The following CCDC66 variants were observed in gnomAD, a reference collection of about 807,000 sequenced individuals.
CCDC66 encodes the protein coiled-coil domain-containing protein 66.
CCDC66 carries 133 observed loss-of-function variants against 128.3 expected under a neutral mutation model. The observed-to-expected ratio is 1.04, with a 90% confidence interval of 0.90 to 1.20. The LOEUF (loss-of-function observed/expected upper bound fraction) is 1.20. CCDC66 is among the 50% of genes most tolerant of loss of function. CCDC66 has a pLI of 0.00. For missense variants in CCDC66, 1,126 were observed against 1,075.5 expected, an observed-to-expected ratio of 1.05 and a Z score of -0.66; for synonymous variants, 387 against 357.0, an observed-to-expected ratio of 1.08 and a Z score of -0.95.
intron 7 of CCDC66, among the ~76,000 whole-genome samples, chr3:56,571,535 C>G (rs1173199055): frequency 6.6e-6 from 1 of 152,028 alleles, no homozygotes; most frequent in African/African-American, 2.4e-5. Flanking sequence ...GTACTCACCA[C>G]CATGGCCAGC....
intron 10 of CCDC66, among the ~76,000 whole-genome samples, chr3:56,594,578 G>T (rs2071527684): frequency 6.6e-6 from 1 of 151,992 alleles, no homozygotes; most frequent in Non-Finnish European, 1.5e-5. Flanking sequence ...AGCTACTCGG[G>T]AGGCTGAGGT....
At chr3:56,609,571 A>G (rs1156773690) in intron 10 of CCDC66, among the ~76,000 whole-genome samples, 2 of 152,138 alleles carry the variant, frequency 1.3e-5, no homozygotes, top group Non-Finnish European at 2.9e-5. Flanking sequence ...ATTTACATTC[A>G]ATGTTAATAT....
In CCDC66 at chr3:56,619,545, A is replaced by G; in HGVS notation, c.2635+18A>G. On this transcript the variant is annotated intron_variant, in intron 16 of 17. Transcript: ENST00000394672. The stretch of plus-strand genomic sequence containing the variant: ...TTCACAAGGTAAGTAAATATTAAGC[A>G]TTCTAACTGTAAAAATTGAAGACCC... 6.4e-7 allele frequency: 1 copy of G among 1,569,630 alleles called. No homozygotes were observed. Among genetic ancestry groups the G allele is most frequent in the Non-Finnish European group, 8.6e-7 (1 of 1,162,216 alleles).
chr3:56,572,941 A>G (rs906718599), intron 7 of CCDC66: 2 of 152,272 alleles, frequency 1.3e-5, no homozygotes, highest in Admixed American at 1.3e-4. Flanking sequence ...TCTGGGTGAT[A>G]ATTTTAAGTG....
chr3:56,606,116 C>G (rs1232286817), intron 10 of CCDC66, among the ~76,000 whole-genome samples: 1 of 152,068 alleles, frequency 6.6e-6, no homozygotes. Context: ...GTGGGTGCCC[C>G]TCACCCCACC....
In CCDC66 at chr3:56,593,710, G is replaced by C. The variant is rs746494584; in HGVS notation, c.1288G>C (p.Asp430His). ...GGAGCATATAGCAAAACCTATTAAGGATGTGGTTATGGCAAACAGTAAGAA... is the reference window on the plus strand; with the variant it reads ...GGAGCATATAGCAAAACCTATTAAGCATGTGGTTATGGCAAACAGTAAGAA... ...EEEHIAKPIK[D>H]VVMANSKKTN... The change falls in exon 9 of 18, where the codon GAT (aspartate) becomes CAT (histidine). Residue 430 changes from aspartate to histidine, a missense_variant. Asp to His is a moderately conservative substitution (Grantham distance 81). Transcript: ENST00000394672. 2 of 1,613,780 alleles carry C rather than the reference G, an allele frequency of 1.2e-6. No homozygotes were observed. The highest frequency in any genetic ancestry group is 1.7e-6 in the Non-Finnish European group (2 of 1,179,682).
chr3:56,581,093 C>T (rs1482068933), intron 7 of CCDC66, among the ~76,000 whole-genome samples: 4 of 150,788 alleles, frequency 2.7e-5, no homozygotes, highest in African/African-American at 9.7e-5. Context: ...TTCTTGGAGG[C>T]TTTGTTTGTT....
rs750721982 is a variant in CCDC66 at position 56,619,572 on chromosome 3, T to G, written c.2635+45T>G. 5 of 1,484,314 alleles carry G rather than the reference T, an allele frequency of 3.4e-6. No homozygotes were observed. The East Asian group carries it at 1.3e-4, about 38-fold the overall frequency. The allele number at this position is 1,484,314 out of a possible 1,614,324, so 91.9% of individuals were successfully genotyped here. On this transcript the variant is annotated intron_variant, in intron 16 of 17. Transcript: ENST00000394672. ...TCTAACTGTAAAAATTGAAGACCCA[T>G]GTAAACCCCGTCAACAACTTTAAAT... is the stretch of plus-strand genomic sequence containing the variant.
intron 10 of CCDC66, among the ~76,000 whole-genome samples, chr3:56,604,115 T>C (rs1446311809): frequency 6.6e-6 from 1 of 151,836 alleles, no homozygotes; most frequent in Non-Finnish European, 1.5e-5. Flanking sequence ...CTTTTCTTTC[T>C]CTCCGTTTGA....
At chr3:56,618,031 T>A in intron 14 of CCDC66, 141 bp from the exon 15 acceptor site, 1 of 701,722 alleles carries the variant, frequency 1.4e-6, no homozygotes, top group East Asian at 2.6e-5. Context: ...TGGAAAAAAC[T>A]ATATCTATTC....
intron 7 of CCDC66, among the ~76,000 whole-genome samples, chr3:56,583,069 G>T (rs1279821396): frequency 6.6e-6 from 1 of 151,296 alleles, no homozygotes; most frequent in African/African-American, 2.4e-5. Flanking sequence ...TAGAGACAGG[G>T]TTGCTCAGGC....
intron 7 of CCDC66, among the ~76,000 whole-genome samples, chr3:56,592,637 T>C (rs2071127744): frequency 1.3e-5 from 2 of 152,036 alleles, no homozygotes; most frequent in Non-Finnish European, 2.9e-5. Flanking sequence ...CATGCTGGGA[T>C]TATAGTCATG....
At position 56,566,974 on chromosome 3, in the gene CCDC66, T is replaced by C; in HGVS notation, c.735T>C (p.Asp245=). 1 of 1,613,982 alleles carries C rather than the reference T, an allele frequency of 6.2e-7. No homozygotes were observed. Among genetic ancestry groups the C allele is most frequent in the Non-Finnish European group, 8.5e-7 (1 of 1,179,932 alleles). Residue 245 remains aspartate, a synonymous_variant, in exon 6 of 18, where the codon GAT becomes GAC. Transcript: ENST00000394672. The part of the protein sequence containing the change: ...IAIENEWKPA[D]IFSTLGEREC... ...GAGAGAATGAATGGAAACCAGCTGA[T>C]ATATTCAGTACTCTGGGGGAAAGGG... is the stretch of plus-strand genomic sequence containing the variant.
intron 5 of CCDC66, 59 bp from the exon 6 acceptor site, chr3:56,566,891 G>C: frequency 6.7e-7 from 1 of 1,496,098 alleles, no homozygotes; most frequent in East Asian, 2.3e-5. Context: ...AATATTTATG[G>C]AGTCAGTTGT....
chr3:56,566,459 A>G (rs111379788), intron 4 of CCDC66, 135 bp from the exon 5 acceptor site: 2 of 552,028 alleles, frequency 3.6e-6, no homozygotes, highest in African/African-American at 3.9e-5. Context: ...GGGAAACTTA[A>G]TGGCTACCTC....
Position 56,617,519 on chromosome 3 carries a change from T to C in CCDC66, c.2251T>C (p.Ser751Pro), listed in dbSNP as rs748462383. The change falls in exon 14 of 18, where the codon TCT (serine) becomes CCT (proline). Residue 751 changes from serine to proline, a missense_variant. Transcript: ENST00000394672. ...AGAAAAAAATAATCCTGGGCACCTC[T>C]CTCAAAACAGAGGCATTTCACCAGA... is the stretch of plus-strand genomic sequence containing the variant. ...LVEKNNPGHL[S>P]QNRGISPEIF... 9 of 1,613,030 alleles carry C rather than the reference T, an allele frequency of 5.6e-6. No individual in the cohort carries two copies. The highest frequency in any genetic ancestry group is 5.0e-5 in the Admixed American group (3 of 59,806).
At position 56,615,041 on chromosome 3, in the gene CCDC66, A is replaced by G; in HGVS notation, c.1567-87A>G. ...TCTAAACAAGTGCCTGATACATAGGAGAAGCTTAGAAAATGTTTACTGAGA... is the reference window on the plus strand; with the variant it reads ...TCTAAACAAGTGCCTGATACATAGGGGAAGCTTAGAAAATGTTTACTGAGA... On this transcript the variant is annotated intron_variant, in intron 11 of 17. Transcript: ENST00000394672. 4 of 1,384,562 alleles carry G rather than the reference A, an allele frequency of 2.9e-6. No individual in the cohort carries two copies. The South Asian group carries it at 4.1e-5, about 14-fold the overall frequency. 85.8% of individuals were successfully genotyped at this position (1,384,562 alleles called of 1,614,324 possible).
At chr3:56,568,454 A>G (rs961953070) in intron 6 of CCDC66, among the ~76,000 whole-genome samples, 7 of 152,216 alleles carry the variant, frequency 4.6e-5, no homozygotes, top group Admixed American at 4.6e-4. Flanking sequence ...AATATTTGAC[A>G]TCTAGAGTAG....
intron 7 of CCDC66, among the ~76,000 whole-genome samples, chr3:56,585,039 G>A (rs2069380073): frequency 6.6e-6 from 1 of 151,464 alleles, no homozygotes; most frequent in Admixed American, 6.7e-5. Context: ...CGAGATGGCA[G>A]CAGTACAGTC....
Sources: gnomAD v4.1 joint callset for allele counts (sites outside exome capture counted in the v4.1 genomes callset) on GRCh38, gnomAD v4.1.1 for gene constraint, MANE v1.5 for transcripts, NCBI Gene and HGNC (gene_info 2026-07-23, HGNC 2026-07-21) for gene names.